Variants in PTPRD observed in about 807,000 individuals in gnomAD.
The protein encoded by PTPRD is receptor-type tyrosine-protein phosphatase delta.
In PTPRD, 34 loss-of-function variants were observed where a neutral mutation model predicts 214.5. The observed-to-expected ratio is 0.16, with a 90% CI of 0.12 to 0.21. PTPRD has a LOEUF of 0.21. Ranked by LOEUF, PTPRD falls within the 10% of genes least tolerant of loss-of-function variation. The pLI, the probability that PTPRD is intolerant of heterozygous loss-of-function variation, is 1.00. For missense variants in PTPRD, 2,545 were observed against 2,398.7 expected, an observed-to-expected ratio of 1.06 and a Z score of -1.27; for synonymous variants, 1,128 against 845.7, an observed-to-expected ratio of 1.33 and a Z score of -5.79.
At chr9:9,083,333 G>C (rs894053743) in intron 10 of PTPRD, among the ~76,000 whole-genome samples, 2 of 152,114 alleles carry the variant, frequency 1.3e-5, no homozygotes, top group African/African-American at 4.8e-5. Flanking sequence ...CTGGTGTTGG[G>C]AAAACTGTCT....
At chr9:8,966,959 A>C (rs531463525) in intron 11 of PTPRD, among the ~76,000 whole-genome samples, 47 of 152,182 alleles carry the variant, frequency 3.1e-4, no homozygotes, top group South Asian at 8.3e-4. Context: ...AAACAAAATA[A>C]ATAAGCCCAT....
intron 4 of PTPRD, among the ~76,000 whole-genome samples, chr9:9,990,933 T>C (rs565986211): frequency 1.6e-4 from 14 of 85,216 alleles, no homozygotes; most frequent in East Asian, 1.1e-3. Flanking sequence ...ATGAGTAAAA[T>C]AGTCTTTTTT....
chr9:8,696,616 A>C (rs538347600), intron 12 of PTPRD, among the ~76,000 whole-genome samples: 2 of 152,306 alleles, frequency 1.3e-5, no homozygotes, highest in African/African-American at 4.8e-5. Context: ...TAGACGGAGA[A>C]AGAATTACAA....
chr9:9,041,778 C>G (rs779358008), intron 10 of PTPRD, among the ~76,000 whole-genome samples: 1 of 152,162 alleles, frequency 6.6e-6, no homozygotes, highest in Non-Finnish European at 1.5e-5. Flanking sequence ...ATCTTAGAAA[C>G]GTCCAGTGAC....
chr9:9,384,540 C>A (rs1001755615), intron 9 of PTPRD, among the ~76,000 whole-genome samples: 38 of 151,080 alleles, frequency 2.5e-4, no homozygotes, highest in African/African-American at 9.0e-4. Context: ...AAATATGTTC[C>A]TTTCATGGTC....
At chr9:9,541,077 T>C (rs1333442235) in intron 8 of PTPRD, among the ~76,000 whole-genome samples, 1 of 151,678 alleles carries the variant, frequency 6.6e-6, no homozygotes, top group Non-Finnish European at 1.5e-5. Context: ...CCTTGCTGAG[T>C]GACAGGAAGA....
chr9:9,986,602 T>A (rs900137246), intron 4 of PTPRD, among the ~76,000 whole-genome samples: 9 of 152,124 alleles, frequency 5.9e-5, no homozygotes, highest in Non-Finnish European at 1.2e-4. Flanking sequence ...TCTTAATATG[T>A]GCATATATTA....
At chr9:9,563,775 C>T (rs1450733785) in intron 8 of PTPRD, among the ~76,000 whole-genome samples, 1 of 151,934 alleles carries the variant, frequency 6.6e-6, no homozygotes, top group Non-Finnish European at 1.5e-5. Flanking sequence ...ATTGGTATGC[C>T]CAAGTAATAC....
chr9:8,704,390 T>C (rs561688499), intron 12 of PTPRD, among the ~76,000 whole-genome samples: 1 of 150,926 alleles, frequency 6.6e-6, no homozygotes, highest in South Asian at 2.1e-4. Context: ...GAAAGCAGAG[T>C]AGGAAGGAGG....
chr9:8,931,759 C>T lies in PTPRD; in HGVS notation c.-104+86938G>A, dbSNP rs192373538. 2.0e-4 allele frequency among the ~76,000 whole-genome samples: 31 copies of T among 152,082 alleles called. No individual in the cohort carries two copies. In the East Asian group the frequency reaches 5.8e-3, roughly 29 times the overall value. ...GAATGTTACCAGCTCCTCTTTGTAC[C>T]TCTGGTAAAATTCGGCTATGAATCT... On this transcript the variant is annotated intron_variant, in intron 11 of 45. Transcript: ENST00000381196.
At chr9:9,074,989 TTTTA>T (rs2099748973) in intron 10 of PTPRD, among the ~76,000 whole-genome samples, 1 of 152,018 alleles carries the variant, frequency 6.6e-6, no homozygotes, top group South Asian at 2.1e-4. Flanking sequence ...GTCTTGTTTA[TTTTA>T]TTTGTTTAAT....
At chr9:9,889,992 C>T (rs1256481476) in intron 5 of PTPRD, among the ~76,000 whole-genome samples, 1 of 152,034 alleles carries the variant, frequency 6.6e-6, no homozygotes, top group Non-Finnish European at 1.5e-5. Context: ...CAAACTTCTC[C>T]TTCATCCAGT....
intron 11 of PTPRD, among the ~76,000 whole-genome samples, chr9:8,926,586 A>G (rs1160143494): frequency 6.6e-6 from 1 of 152,192 alleles, no homozygotes; most frequent in Non-Finnish European, 1.5e-5. Flanking sequence ...AATGGTTTAA[A>G]GTCTGGAAAG....
At chr9:9,356,313 G>C (rs149362882) in intron 9 of PTPRD, among the ~76,000 whole-genome samples, 53 of 151,458 alleles carry the variant, frequency 3.5e-4, no homozygotes, top group African/African-American at 1.3e-3. Context: ...GAAGAGAGAG[G>C]AGAGCTGCTA....
intron 11 of PTPRD, among the ~76,000 whole-genome samples, chr9:8,964,991 T>C (rs1026558747): frequency 2.6e-5 from 4 of 152,106 alleles, no homozygotes; most frequent in Admixed American, 2.6e-4. Context: ...TTGGGGTAAT[T>C]CCTTGTGAAG....
At chr9:8,958,407 T>A (rs72708132) in intron 11 of PTPRD, among the ~76,000 whole-genome samples, 6,477 of 151,970 alleles carry the variant, frequency 0.043, 245 homozygotes, top group African/African-American at 0.097. Flanking sequence ...TTCAAAAAAA[T>A]CAAAGGGCAT....
chr9:9,848,218 C>A (rs1249824337), intron 5 of PTPRD, among the ~76,000 whole-genome samples: 7 of 152,090 alleles, frequency 4.6e-5, no homozygotes, highest in Non-Finnish European at 1.0e-4. Flanking sequence ...TTCAGAGGCA[C>A]TAGCTGTAAA....
At chr9:10,521,371 C>T (rs569498683) in intron 2 of PTPRD, among the ~76,000 whole-genome samples, 1 of 152,220 alleles carries the variant, frequency 6.6e-6, no homozygotes, top group South Asian at 2.1e-4. Context: ...TGAGGAGTTG[C>T]TTCTTGTGGA....
intron 11 of PTPRD, among the ~76,000 whole-genome samples, chr9:8,813,496 C>T (rs941064517): frequency 2.0e-5 from 3 of 152,208 alleles, no homozygotes; most frequent in Admixed American, 1.3e-4. Context: ...TCAGCCTCCT[C>T]GGTACTTGTG....
Sources: gnomAD v4.1 joint callset for allele counts (sites outside exome capture counted in the v4.1 genomes callset) on GRCh38, gnomAD v4.1.1 for gene constraint, MANE v1.5 for transcripts, NCBI Gene and HGNC (gene_info 2026-07-23, HGNC 2026-07-21) for gene names.